Variants in ZNF540 observed in about 807,000 individuals in gnomAD.
ZNF540 encodes CTD-3064H18.6.
In ZNF540, 3 loss-of-function variants were observed where a neutral mutation model predicts 11.8. That is an observed-to-expected ratio of 0.25 (90% CI 0.12 to 0.65). The LOEUF is 0.65. Ranked by LOEUF, ZNF540 falls within the 30% of genes least tolerant of loss-of-function variation. The pLI is 0.83. For missense variants in ZNF540, 709 were observed against 793.1 expected (o/e 0.89, Z 1.27); for synonymous variants, 247 against 259.0 (o/e 0.95, Z 0.45).
Position 37,612,480 on chromosome 19 carries a change from G to A in ZNF540, c.1200G>A (p.Arg400=), listed in dbSNP as rs1186886302. The A allele has an allele frequency of 4.3e-6, 7 of 1,614,124 alleles. No individual in the cohort carries two copies. Among genetic ancestry groups the A allele is most frequent in the Non-Finnish European group, 5.9e-6 (7 of 1,180,020 alleles). The change falls in exon 5 of 5, where the codon CGG becomes CGA. Residue 400 remains arginine (R), a synonymous_variant. Coordinates refer to ENST00000316433, the MANE Select transcript of ZNF540 (RefSeq NM_001172225.3). ...KSFNVRGQLN[R]HKTIHTGIKP... ...TTAATGTGCGTGGACAGCTTAATCGGCATAAAACAATCCATACTGGTATAA... is the reference window on the plus strand; with the variant it reads ...TTAATGTGCGTGGACAGCTTAATCGACATAAAACAATCCATACTGGTATAA...
At chr19:37,567,900 A>G (rs992324509) in intron 1 of ZNF540, 2 of 152,184 alleles carry the variant, frequency 1.3e-5, no homozygotes, top group Non-Finnish European at 2.9e-5. Flanking sequence ...TAGTCCCCAG[A>G]ACACAGTATA....
chr19:37,574,079 A>G (rs993387344), intron 1 of ZNF540, among the ~76,000 whole-genome samples: 1 of 152,168 alleles, frequency 6.6e-6, no homozygotes, highest in Non-Finnish European at 1.5e-5. Context: ...TGGATCCATT[A>G]TTCGTACCCT....
chr19:37,556,863 G>T (rs143080164), intron 1 of ZNF540, among the ~76,000 whole-genome samples: 3 of 152,164 alleles, frequency 2.0e-5, no homozygotes, highest in African/African-American at 7.2e-5. Flanking sequence ...GATTAATTTT[G>T]TAAGAGTGTT....
intron 4 of ZNF540, among the ~76,000 whole-genome samples, chr19:37,601,896 C>T (rs1322622167): frequency 1.3e-5 from 2 of 152,162 alleles, no homozygotes; most frequent in East Asian, 3.8e-4. Flanking sequence ...TTATATGGTT[C>T]TGTTTATCAT....
upstream of ZNF540, among the ~76,000 whole-genome samples, chr19:37,593,578 C>T (rs577141788): frequency 3.0e-4 from 45 of 152,248 alleles, no homozygotes; most frequent in Non-Finnish European, 6.0e-4. Context: ...TGGCGGGCGC[C>T]TGTAGTCCCA....
At chr19:37,579,522 G>T (rs1165215827) in intron 1 of ZNF540, among the ~76,000 whole-genome samples, 1 of 150,628 alleles carries the variant, frequency 6.6e-6, no homozygotes, top group Non-Finnish European at 1.5e-5. Flanking sequence ...ATGGTGCTGG[G>T]ATAACTGGCT....
intron 4 of ZNF540, chr19:37,610,939 C>T (rs1310901530): frequency 6.6e-6 from 1 of 152,058 alleles, no homozygotes; most frequent in Non-Finnish European, 1.5e-5. Context: ...TGATAAAGTT[C>T]CCCAGATGAT....
Position 37,569,572 on chromosome 19 carries a change from C to T in ZNF540, c.-73+17907C>T, listed in dbSNP as rs1488629075. Among the ~76,000 whole-genome samples, 1 of 152,072 alleles carries T rather than the reference C, an allele frequency of 6.6e-6. No homozygotes were observed. Among genetic ancestry groups the T allele is most frequent in the Non-Finnish European group, 1.5e-5 (1 of 68,014 alleles). ...ATATATTCATATTTTGTTATTTTAT[C>T]TCCTGTTTTATTAAAAACAACAAGT... On this transcript the variant is annotated intron_variant, in intron 1 of 4. Coordinates refer to the ZNF540 transcript ENST00000592533. This position sits in a 1 kb window ranked among gnomAD's most constrained non-coding sequence, Gnocchi z 4.4.
At chr19:37,610,917 T>C (rs2044122941) in intron 4 of ZNF540, 2 of 152,198 alleles carry the variant, frequency 1.3e-5, no homozygotes, top group Admixed American at 1.3e-4. Context: ...TGTAACTAAA[T>C]AGCAGTATTT....
rs746114598 is a variant in ZNF540, at chr19:37,553,113, C to CTT, written c.-73+1485_-73+1486dup. Among the ~76,000 whole-genome samples the CTT allele has an allele frequency of 3.6e-4, 12 of 33,094 alleles. 4 individuals are homozygous for CTT. Among genetic ancestry groups the CTT allele is most frequent in the Non-Finnish European group, 6.6e-4 (12 of 18,166 alleles). The allele number at this position is 33,094 out of a possible 152,430, so 21.7% of individuals were successfully genotyped here. On this transcript the variant is annotated intron_variant, in intron 1 of 4. Transcript: ENST00000592533. ...AATCTTTTTTTATATAACCTAACAT[C>CTT]TTTTTTTTTTTTTTTTTTTTTTTTT... is the stretch of plus-strand genomic sequence containing the variant.
chr19:37,597,143 G>A (rs2044002554), intron 1 of ZNF540, among the ~76,000 whole-genome samples: 1 of 151,846 alleles, frequency 6.6e-6, no homozygotes, highest in Non-Finnish European at 1.5e-5. Flanking sequence ...CTATATATAA[G>A]GTATGCATCA....
intron 1 of ZNF540, chr19:37,563,115 C>G (rs767744807): frequency 2.0e-5 from 3 of 151,920 alleles, no homozygotes; most frequent in Non-Finnish European, 1.5e-5. Flanking sequence ...GATGCTTGAG[C>G]CTAGAAGTTT....
intron 1 of ZNF540, among the ~76,000 whole-genome samples, chr19:37,578,651 G>T (rs1192738417): frequency 1.5e-4 from 22 of 151,070 alleles, no homozygotes; most frequent in African/African-American, 4.9e-4. Flanking sequence ...CCCTGCCCCC[G>T]CCTGAGCTCC....
At chr19:37,554,107 C>CAT (rs1308858585) in intron 1 of ZNF540, among the ~76,000 whole-genome samples, 1 of 152,192 alleles carries the variant, frequency 6.6e-6, no homozygotes, top group Non-Finnish European at 1.5e-5. Context: ...ACATAGTGAG[C>CAT]ATAGTAGCTG....
intron 4 of ZNF540, 176 bp downstream of exon 4, chr19:37,601,281 A>G (rs781237198): frequency 1.1e-4 from 53 of 476,912 alleles, no homozygotes; most frequent in Non-Finnish European, 1.8e-4. Flanking sequence ...TGAACTATCA[A>G]AAGAACCTCA....
intron 4 of ZNF540, among the ~76,000 whole-genome samples, chr19:37,605,799 T>G (rs1245989208): frequency 6.6e-6 from 1 of 152,220 alleles, no homozygotes; most frequent in Non-Finnish European, 1.5e-5. Flanking sequence ...CTCATTGTGA[T>G]TTTAATTTGC....
intron 1 of ZNF540, chr19:37,565,358 T>C: frequency 6.2e-7 from 1 of 1,613,844 alleles, no homozygotes. Context: ...CTCTCCTGTA[T>C]GAATTCTCTG....
intron 2 of ZNF540, among the ~76,000 whole-genome samples, chr19:37,599,189 T>C (rs1328533270): frequency 2.0e-5 from 3 of 152,158 alleles, no homozygotes; most frequent in Non-Finnish European, 4.4e-5. Context: ...GATAGATAGA[T>C]AGATAGATAG....
At chr19:37,579,577 T>A (rs2043374256) in intron 1 of ZNF540, among the ~76,000 whole-genome samples, 1 of 152,154 alleles carries the variant, frequency 6.6e-6, no homozygotes, top group African/African-American at 2.4e-5. Flanking sequence ...TTTCACCGTA[T>A]AAAATAACTT....
Sources: allele counts gnomAD v4.1 joint callset (sites outside exome capture counted in the v4.1 genomes callset), GRCh38; gene constraint gnomAD v4.1.1; non-coding constraint Gnocchi (gnomAD v3.1); transcripts MANE v1.5; gene names NCBI Gene and HGNC (gene_info 2026-07-23, HGNC 2026-07-21).